MBTD1: variants seen among roughly 807,000 people sequenced by gnomAD.
The protein encoded by MBTD1 is mbt domain containing 1.
MBTD1 carries 24 observed loss-of-function variants against 87.8 expected under a neutral mutation model. The observed-to-expected ratio is 0.27, with a 90% confidence interval of 0.20 to 0.38. The LOEUF (loss-of-function observed/expected upper bound fraction) is 0.38, where lower values mean the gene tolerates loss of function less well. MBTD1 is among the 10% of genes least tolerant of loss of function. The pLI is 1.00. For missense variants in MBTD1, 436 were observed against 760.2 expected (o/e 0.57, Z 5.02); for synonymous variants, 237 against 248.6 (o/e 0.95, Z 0.44).
intron 2 of MBTD1, among the ~76,000 whole-genome samples, chr17:51,231,767 A>G (rs2053562405): frequency 6.6e-6 from 1 of 152,046 alleles, no homozygotes; most frequent in South Asian, 2.1e-4. Context: ...ACACTAGTTC[A>G]TAAGCTTTAT....
chr17:51,242,699 C>G (rs2054224338), intron 2 of MBTD1, among the ~76,000 whole-genome samples: 2 of 152,250 alleles, frequency 1.3e-5, no homozygotes, highest in African/African-American at 4.8e-5. Flanking sequence ...ATTTCTTTCC[C>G]TGCCTCACCA....
chr17:51,201,527 CCTT>C (rs1423158386), intron 12 of MBTD1, 62 bp downstream of exon 12: 5 of 957,674 alleles, frequency 5.2e-6, no homozygotes, highest in East Asian at 2.4e-5. Context: ...CTTGGGGACT[CCTT>C]CTATTAGCTT....
intron 6 of MBTD1, among the ~76,000 whole-genome samples, chr17:51,215,404 ATTTT>A (rs927286421): frequency 6.6e-6 from 1 of 151,964 alleles, no homozygotes; most frequent in Non-Finnish European, 1.5e-5. Flanking sequence ...TTGAAATGCC[ATTTT>A]TTTTAATACC....
chr17:51,179,490 A>ATATATATATATATATATTTATATTTATT lies in MBTD1; in HGVS notation c.*1085_*1086insAATAAATATAAATATATATATATATATA, dbSNP rs2050209252. 7 of 23,534 alleles carry ATATATATATATATATATTTATATTTATT rather than the reference A, an allele frequency of 3.0e-4. No individual in the cohort carries two copies. The highest frequency in any genetic ancestry group is 8.4e-4 in the African/African-American group (6 of 7,156). 1.5% of individuals were successfully genotyped at this position (23,534 alleles called of 1,614,324 possible). On this transcript the variant is annotated 3_prime_UTR_variant, in exon 17 of 17. Coordinates refer to ENST00000586178, the MANE Select transcript of MBTD1 (RefSeq NM_017643.3). ...AATACAATTAAAGACAATTTTATATATATATATATATATATATATATATAT... is the reference window on the plus strand; with the variant it reads ...AATACAATTAAAGACAATTTTATATATATATATATATATATATTTATATTTATTTATATATATATATATATATATATAT...
chr17:51,230,847 C>A (rs2053510066), intron 2 of MBTD1, among the ~76,000 whole-genome samples: 1 of 152,122 alleles, frequency 6.6e-6, no homozygotes, highest in South Asian at 2.1e-4. Context: ...TATCACAGAG[C>A]CTGCTCTACA....
At chr17:51,188,152 C>G (rs535023687) in intron 16 of MBTD1, among the ~76,000 whole-genome samples, 1 of 152,252 alleles carries the variant, frequency 6.6e-6, no homozygotes, top group South Asian at 2.1e-4. Flanking sequence ...ACGCAAGGAG[C>G]AATGTCCACT....
chr17:51,259,714 G>T, intron 1 of MBTD1, 121 bp downstream of exon 1: 1 of 929,670 alleles, frequency 1.1e-6, no homozygotes, highest in Non-Finnish European at 1.4e-6. Context: ...GGTTGAGAGG[G>T]CGTGGGATGG....
At chr17:51,221,357 C>A (rs999244799) in intron 3 of MBTD1, among the ~76,000 whole-genome samples, 1 of 152,112 alleles carries the variant, frequency 6.6e-6, no homozygotes, top group African/African-American at 2.4e-5. Context: ...GACGTAGGTG[C>A]TCTATTATTA....
At chr17:51,255,157 T>C (rs2055010818) in intron 2 of MBTD1, among the ~76,000 whole-genome samples, 1 of 152,074 alleles carries the variant, frequency 6.6e-6, no homozygotes, top group Non-Finnish European at 1.5e-5. Flanking sequence ...GGCATTTGCC[T>C]GTAGTCCCAG....
At chr17:51,260,486 C>T (rs1039393030), upstream of MBTD1, 42 of 1,349,008 alleles carry the variant, frequency 3.1e-5, no homozygotes, top group Non-Finnish European at 4.0e-5. Flanking sequence ...CAGGCTCCTT[C>T]CGGCCCCCGG....
At position 51,259,146 on chromosome 17, in the gene MBTD1, T is replaced by G. The variant is rs1279960255; in HGVS notation, c.-52A>C. ...AAGCAGGGTTCAGACTACCTACCAC[T>G]TGTCAGAGAGGCTGCAGAGGGGACG... On this transcript the variant is annotated 5_prime_UTR_variant, in exon 2 of 17. Coordinates refer to ENST00000586178, the MANE Select transcript of MBTD1 (RefSeq NM_017643.3). 3.0e-6 allele frequency: 2 copies of G among 666,508 alleles called. No homozygotes were observed. Among genetic ancestry groups the G allele is most frequent in the Non-Finnish European group, 4.2e-6 (2 of 471,218 alleles). The allele number at this position is 666,508 out of a possible 1,614,324, so 41.3% of individuals were successfully genotyped here.
intron 16 of MBTD1, among the ~76,000 whole-genome samples, chr17:51,181,934 T>C (rs1170346990): frequency 6.6e-6 from 1 of 151,188 alleles, no homozygotes; most frequent in Non-Finnish European, 1.5e-5. Flanking sequence ...TGTGTTCAGG[T>C]TACCGTCTAA....
chr17:51,203,694 G>A, intron 8 of MBTD1, 97 bp downstream of exon 8: 2 of 1,348,644 alleles, frequency 1.5e-6, no homozygotes, highest in Non-Finnish European at 2.1e-6. Flanking sequence ...GCCATGCCCG[G>A]CCTTTAATTT....
At chr17:51,219,660 T>C (rs2052773124) in intron 4 of MBTD1, among the ~76,000 whole-genome samples, 1 of 152,192 alleles carries the variant, frequency 6.6e-6, no homozygotes, top group Non-Finnish European at 1.5e-5. Context: ...TGCTATGTAA[T>C]GATCACAATA....
At position 51,178,893 on chromosome 17, in the gene MBTD1, T is replaced by G. The variant is rs1309420393; in HGVS notation, c.*1683A>C. The G allele has an allele frequency of 6.6e-6, 1 of 152,172 alleles. No individual in the cohort carries two copies. The highest frequency in any genetic ancestry group is 1.9e-4 in the East Asian group (1 of 5,204). The allele number at this position is 152,172 out of a possible 1,614,324, so 9.4% of individuals were successfully genotyped here. ...ACACTATAAAGTAACAAATTTTACT[T>G]CCAGTAGCTATTATAAAACCTTATG... On this transcript the variant is annotated 3_prime_UTR_variant, in exon 17 of 17. Coordinates refer to ENST00000586178, the MANE Select transcript of MBTD1 (RefSeq NM_017643.3).
chr17:51,256,893 A>G (rs544564161), intron 2 of MBTD1: 1 of 152,344 alleles, frequency 6.6e-6, no homozygotes, highest in East Asian at 1.9e-4. Context: ...TCAATGGCAG[A>G]ATTGTGACAT....
chr17:51,238,518 C>T (rs1202735894), intron 2 of MBTD1, among the ~76,000 whole-genome samples: 2 of 152,060 alleles, frequency 1.3e-5, no homozygotes, highest in African/African-American at 4.8e-5. Context: ...AGCTGTATAG[C>T]GGGTTTAGAG....
Position 51,180,648 on chromosome 17 carries a change from A to G in MBTD1, c.1815T>C (p.Tyr605=), listed in dbSNP as rs2050264318. Residue 605 remains tyrosine (Y), a synonymous_variant, in exon 17 of 17, where the codon TAT becomes TAC. Transcript: ENST00000586178. ...LKEELLDGED[Y]NFLQGASDQE... ...GATCAGACGCTCCTTGAAGGAAATT[A>G]TAATCCTCTCCATCCAGCAACTCCT... 6.4e-7 allele frequency: 1 copy of G among 1,551,434 alleles called. No homozygotes were observed. The highest frequency in any genetic ancestry group is 8.7e-7 in the Non-Finnish European group (1 of 1,146,548).
Position 51,203,120 on chromosome 17 carries a change from T to A in MBTD1, c.828+20A>T. 1 of 1,578,498 alleles carries A rather than the reference T, an allele frequency of 6.3e-7. No homozygotes were observed. On this transcript the variant is annotated intron_variant, in intron 9 of 16. Transcript: ENST00000586178. ...TTGTTTTTTAGAGCTCTTCAGTCTTTATAAGATCCTGTTTTTTACCTTTTG... is the reference window on the plus strand; with the variant it reads ...TTGTTTTTTAGAGCTCTTCAGTCTTAATAAGATCCTGTTTTTTACCTTTTG...
Sources: allele counts gnomAD v4.1 joint callset (sites outside exome capture counted in the v4.1 genomes callset), GRCh38; gene constraint gnomAD v4.1.1; transcripts MANE v1.5; gene names NCBI Gene and HGNC (gene_info 2026-07-23, HGNC 2026-07-21).